The following AHNAK variants were observed in gnomAD, a reference collection of about 807,000 sequenced individuals.
The protein encoded by AHNAK is AHNAK nucleoprotein.
In AHNAK, 23 loss-of-function variants were observed where a neutral mutation model predicts 37.8. That is an observed-to-expected ratio of 0.61 (90% confidence interval 0.44 to 0.86). The LOEUF (loss-of-function observed/expected upper bound fraction) is 0.86, where lower values mean the gene tolerates loss of function less well. Among genes scored for constraint, AHNAK ranks in the 40% least tolerant of loss-of-function variants. The probability of loss-of-function intolerance (pLI) is 0.00; values close to 1 mark genes in which losing one functional copy is unlikely to be tolerated. For synonymous variants in AHNAK, 2,481 were observed against 2,636.3 expected, an observed-to-expected ratio of 0.94 and a Z score of 1.80; for missense variants, 7,411 against 7,319.4, an observed-to-expected ratio of 1.01 and a Z score of -0.46.
At chr11:62,494,687 C>T (rs1296579088) in intron 4 of AHNAK, among the ~76,000 whole-genome samples, 5 of 152,000 alleles carry the variant, frequency 3.3e-5, no homozygotes, top group Admixed American at 6.5e-5. Context: ...GGCAACATGG[C>T]GAAACCTTGT....
rs1940011282 is a variant in AHNAK, at chr11:62,516,174, C to T, written c.*570G>A. The T allele has an allele frequency of 7.8e-7, 1 of 1,289,166 alleles. No individual in the cohort carries two copies. Among genetic ancestry groups the T allele is most frequent in the East Asian group, 5.6e-5 (1 of 18,014 alleles). The allele number at this position is 1,289,166 out of a possible 1,614,324, so 79.9% of individuals were successfully genotyped here. A position where few individuals can be genotyped will look rare whatever the true frequency, so the allele number is the denominator to read the frequency against. ...CCGTCAGCACCAAACTGGCTGGGACCACCACCCCTGGGTGAAAGAAACAAC... is the reference window on the plus strand; with the variant it reads ...CCGTCAGCACCAAACTGGCTGGGACTACCACCCCTGGGTGAAAGAAACAAC... On this transcript the variant is annotated 3_prime_UTR_variant, in exon 5 of 5. Coordinates refer to ENST00000378024, the MANE Select transcript of AHNAK (RefSeq NM_001620.3).
intron 4 of AHNAK, chr11:62,491,903 A>G: frequency 7.3e-7 from 1 of 1,367,234 alleles, no homozygotes; most frequent in Non-Finnish European, 1.0e-6. Context: ...TCAAATGCCT[A>G]CTATGGGTGT....
At chr11:62,541,280 G>A (rs1253672628) in intron 1 of AHNAK, among the ~76,000 whole-genome samples, 1 of 152,194 alleles carries the variant, frequency 6.6e-6, no homozygotes, top group Non-Finnish European at 1.5e-5. Context: ...GCAACCCTCC[G>A]AGGGGAAGAA....
In AHNAK at chr11:62,530,171, G is replaced by T; in HGVS notation, c.4246C>A (p.Pro1416Thr). 1 of 1,613,400 alleles carries T rather than the reference G, an allele frequency of 6.2e-7. No individual in the cohort carries two copies. ...TCTGGAACTTCAGCATCCATTTTGGGTCCTGAGACATCAACGTCAGCTTTG... is the reference window on the plus strand; with the variant it reads ...TCTGGAACTTCAGCATCCATTTTGGTTCCTGAGACATCAACGTCAGCTTTG... ...LPKADVDVSG[P>T]KMDAEVPDVN... is the part of the protein sequence containing the mutation. Residue 1416 changes from proline to threonine, a missense_variant, in exon 5 of 5, where the codon CCC (proline) becomes ACC (threonine). Pro to Thr is a conservative substitution (Grantham distance 38, BLOSUM62 -1). Coordinates refer to ENST00000378024, the MANE Select transcript of AHNAK (RefSeq NM_001620.3).
chr11:62,448,164 A>G (rs534583453), intron 5 of AHNAK, among the ~76,000 whole-genome samples: 104 of 152,268 alleles, frequency 6.8e-4, no homozygotes, highest in African/African-American at 2.3e-3. Context: ...CAGTGAGGCT[A>G]GAGGGACAAG....
intron 5 of AHNAK, among the ~76,000 whole-genome samples, chr11:62,446,716 AG>A (rs1280766956): frequency 1.3e-5 from 2 of 151,814 alleles, no homozygotes; most frequent in East Asian, 3.9e-4. Context: ...TTCTCAGAAA[AG>A]CCTTCCTGCT....
chr11:62,465,639 T>G (rs1938896650), intron 5 of AHNAK, among the ~76,000 whole-genome samples: 2 of 151,550 alleles, frequency 1.3e-5, no homozygotes, highest in African/African-American at 2.4e-5. Flanking sequence ...TAAATAAAAA[T>G]TAAAATTAAA....
At chr11:62,501,091 G>A (rs898173068) in intron 4 of AHNAK, among the ~76,000 whole-genome samples, 3 of 152,024 alleles carry the variant, frequency 2.0e-5, no homozygotes, top group African/African-American at 7.3e-5. Context: ...AATTAGTCAG[G>A]CGTGGTGGCA....
At chr11:62,500,607 G>A (rs945465061) in intron 4 of AHNAK, among the ~76,000 whole-genome samples, 2 of 152,184 alleles carry the variant, frequency 1.3e-5, no homozygotes, top group African/African-American at 4.8e-5. Context: ...ATCCAAGTGG[G>A]TTTTAAATTG....
rs1247424757 is a variant in AHNAK, at chr11:62,525,204, C to A, written c.9213G>T (p.Glu3071Asp). Reference sequence around the variant, plus strand: ...TGAATTTGGGACCTTTCAACTTTCCCTCTGGGCCTTCGATATTCACATCTG... The same window carrying A: ...TGAATTTGGGACCTTTCAACTTTCCATCTGGGCCTTCGATATTCACATCTG... The part of the protein sequence containing the change: ...DVPDVNIEGP[E>D]GKLKGPKFKM... Residue 3071 changes from glutamate (E) to aspartate (D), a missense_variant, in exon 5 of 5, where the codon GAG becomes GAT. By Grantham distance (45) the Glu-to-Asp change is conservative (BLOSUM62 2). Coordinates refer to ENST00000378024, the MANE Select transcript of AHNAK (RefSeq NM_001620.3). The A allele has an allele frequency of 1.2e-6, 2 of 1,608,034 alleles. No individual in the cohort carries two copies. The highest frequency in any genetic ancestry group is 4.5e-5 in the East Asian group (2 of 44,504).
At chr11:62,535,580 G>A (rs192988942) in intron 3 of AHNAK, among the ~76,000 whole-genome samples, 13 of 151,900 alleles carry the variant, frequency 8.6e-5, no homozygotes, top group East Asian at 1.9e-4. Flanking sequence ...CCCAGGAGGC[G>A]GAGGTTGCAG....
intron 4 of AHNAK, among the ~76,000 whole-genome samples, chr11:62,508,349 C>T (rs1271008160): frequency 6.6e-6 from 1 of 152,200 alleles, no homozygotes; most frequent in Non-Finnish European, 1.5e-5. Context: ...CCAATCGCTT[C>T]GCTTTTCCGA....
rs150714801 is a variant in AHNAK, at chr11:62,531,170, C to T, written c.3247G>A (p.Gly1083Arg). The change falls in exon 5 of 5, where the codon GGA (glycine) becomes AGA (arginine). Residue 1083 changes from glycine (G) to arginine (R), a missense_variant. Gly to Arg is a moderately radical substitution (Grantham distance 125). Transcript: ENST00000378024. Reference sequence around the variant, plus strand: ...TTTGGTGCAGAGATATCTACATTTCCTTTCATTTTGGGTCCTTTAAGATCC... The same window carrying T: ...TTTGGTGCAGAGATATCTACATTTCTTTTCATTTTGGGTCCTTTAAGATCC... ...DLDLKGPKMK[G>R]NVDISAPKIE... 27 of 1,614,032 alleles carry T rather than the reference C, an allele frequency of 1.7e-5. No homozygotes were observed. In the African/African-American group the frequency reaches 3.1e-4, roughly 18 times the overall value.
chr11:62,525,332 T>C lies in AHNAK; in HGVS notation c.9085A>G (p.Lys3029Glu), dbSNP rs768542114. 6 of 1,612,492 alleles carry C rather than the reference T, an allele frequency of 3.7e-6. 1 individual carries two copies. In the South Asian group the frequency reaches 6.6e-5, roughly 18 times the overall value. Residue 3029 changes from lysine (K) to glutamate (E), a missense_variant, in exon 5 of 5, where the codon AAA (lysine) becomes GAA (glutamate). Physicochemically the swap from Lys to Glu is moderately conservative, Grantham distance 56. Coordinates refer to ENST00000378024, the MANE Select transcript of AHNAK (RefSeq NM_001620.3). Reference protein sequence around the residue: ...HLKMPKVKMPKFSMPGFKGEG... With the variant: ...HLKMPKVKMPEFSMPGFKGEG... ...CCTTTGAAGCCAGGCATGCTGAATTTGGGCATTTTCACTTTGGGCATTTTT... is the reference window on the plus strand; with the variant it reads ...CCTTTGAAGCCAGGCATGCTGAATTCGGGCATTTTCACTTTGGGCATTTTT...
intron 5 of AHNAK, among the ~76,000 whole-genome samples, chr11:62,490,295 G>A (rs866655634): frequency 6.8e-6 from 1 of 146,658 alleles, no homozygotes; most frequent in Non-Finnish European, 1.5e-5. Context: ...TCCGCCTCCC[G>A]GGTTTAAGCG....
intron 4 of AHNAK, among the ~76,000 whole-genome samples, chr11:62,510,681 T>C (rs2134182454): frequency 6.6e-6 from 1 of 151,692 alleles, no homozygotes; most frequent in Middle Eastern, 3.4e-3. Context: ...GAGGTGGAGG[T>C]TGTGGTGAGC....
At chr11:62,453,952 C>G (rs1938594764) in intron 5 of AHNAK, among the ~76,000 whole-genome samples, 1 of 151,728 alleles carries the variant, frequency 6.6e-6, no homozygotes. Flanking sequence ...ACTAAAAATA[C>G]AAAAATTAGC....
intron 5 of AHNAK, among the ~76,000 whole-genome samples, chr11:62,476,464 G>A (rs529316265): frequency 4.0e-5 from 6 of 150,672 alleles, no homozygotes; most frequent in African/African-American, 1.5e-4. Flanking sequence ...ATTAGAAGTT[G>A]ACAATGACCA....
At chr11:62,461,436 G>A (rs981482583) in intron 5 of AHNAK, among the ~76,000 whole-genome samples, 3 of 152,112 alleles carry the variant, frequency 2.0e-5, no homozygotes, top group Admixed American at 1.3e-4. Flanking sequence ...GAGCCACTGC[G>A]CCCGGCCCAA....
Sources: allele counts gnomAD v4.1 joint callset (sites outside exome capture counted in the v4.1 genomes callset), GRCh38; gene constraint gnomAD v4.1.1; transcripts MANE v1.5; gene names NCBI Gene and HGNC (gene_info 2026-07-23, HGNC 2026-07-21).